The following SUPT3H variants were observed in gnomAD, a reference collection of about 807,000 sequenced individuals.
SUPT3H encodes SPT3 homolog, SAGA and STAGA complex component.
Under a neutral mutation model 44.3 loss-of-function variants are expected in SUPT3H, and 44 were observed. The ratio of observed to expected loss-of-function variants is 0.99; its 90% CI spans 0.78 to 1.28. SUPT3H has a LOEUF of 1.28. SUPT3H is among the 50% of genes most tolerant of loss of function. SUPT3H has a pLI of 0.00. For synonymous variants in SUPT3H, 124 were observed against 125.6 expected (o/e 0.99, Z 0.09); for missense variants, 380 against 387.1 (o/e 0.98, Z 0.15).
chr6:44,919,250 C>T (rs1292658158), intron 10 of SUPT3H, among the ~76,000 whole-genome samples: 1 of 151,912 alleles, frequency 6.6e-6, no homozygotes, highest in Non-Finnish European at 1.5e-5. Context: ...GAAAATAATG[C>T]CTTGGATCTT....
intron 9 of SUPT3H, among the ~76,000 whole-genome samples, chr6:44,943,408 T>G (rs148369484): frequency 6.6e-6 from 1 of 152,014 alleles, no homozygotes; most frequent in African/African-American, 2.4e-5. Context: ...ACTAATACAA[T>G]GTACTTGGAG....
chr6:44,950,824 T>C (rs1335511908), intron 9 of SUPT3H, among the ~76,000 whole-genome samples: 2 of 144,146 alleles, frequency 1.4e-5, no homozygotes, highest in Non-Finnish European at 3.1e-5. Context: ...TCTTGTTTTA[T>C]TTTTTATTAT....
rs112060228 is a variant in SUPT3H, at chr6:44,882,311, T to C, written c.912+50342A>G. On this transcript the variant is annotated intron_variant, in intron 10 of 10. Coordinates refer to ENST00000371459, the MANE Select transcript of SUPT3H (RefSeq NM_003599.4). Reference sequence around the variant, plus strand: ...AGAAATGGATAAATTGCTGGACACATACACCCTCCCAAGACTAAACTAAGA... The same window carrying C: ...AGAAATGGATAAATTGCTGGACACACACACCCTCCCAAGACTAAACTAAGA... Among the ~76,000 whole-genome samples, 1,373 of 152,238 alleles carry C rather than the reference T, an allele frequency of 9.0e-3. 14 individuals carry two copies. Among genetic ancestry groups the C allele is most frequent in the South Asian group, 0.028 (135 of 4,824 alleles).
intron 2 of SUPT3H, among the ~76,000 whole-genome samples, chr6:45,254,920 T>C (rs1399207387): frequency 8.3e-6 from 1 of 120,354 alleles, no homozygotes; most frequent in Non-Finnish European, 1.8e-5. Flanking sequence ...TCTCCATTTG[T>C]CCAGCAGATC....
At chr6:45,230,419 G>T (rs916035914) in intron 2 of SUPT3H, among the ~76,000 whole-genome samples, 4 of 151,526 alleles carry the variant, frequency 2.6e-5, no homozygotes, top group Non-Finnish European at 5.9e-5. Flanking sequence ...CCAGTGTGGG[G>T]GGGGCTTATG....
In SUPT3H at chr6:45,005,280, T is replaced by G. The variant is rs58164361; in HGVS notation, c.365-1488A>C. ...TGTTTGTTAGCTATCTGAATAAGCC[T>G]TTCTGTTAATTGTCTAGTTTTATCC... On this transcript the variant is annotated intron_variant, in intron 5 of 10. Transcript: ENST00000371459. 3.9e-3 allele frequency among the ~76,000 whole-genome samples: 592 copies of G among 152,312 alleles called. 7 individuals carry two copies. Among genetic ancestry groups the G allele is most frequent in the African/African-American group, 0.014 (564 of 41,570 alleles).
intron 6 of SUPT3H, among the ~76,000 whole-genome samples, chr6:44,973,046 T>C (rs1376427400): frequency 6.6e-6 from 1 of 152,114 alleles, no homozygotes; most frequent in Non-Finnish European, 1.5e-5. Flanking sequence ...CAGGCTTGAG[T>C]TTCTTCTCAG....
rs149220975 is a variant in SUPT3H, at chr6:45,086,307, C to T, written c.186+19615G>A. On this transcript the variant is annotated intron_variant, in intron 3 of 10. Transcript: ENST00000371459. The stretch of plus-strand genomic sequence containing the variant: ...ACAGTTTCACCTAGTTGTGTAAAAT[C>T]GGATATTAATCGACACCTTTAAACC... Among the ~76,000 whole-genome samples the T allele has an allele frequency of 2.5e-3, 386 of 152,048 alleles. 2 individuals carry two copies. Among genetic ancestry groups the T allele is most frequent in the African/African-American group, 8.9e-3 (369 of 41,520 alleles).
intron 10 of SUPT3H, among the ~76,000 whole-genome samples, chr6:44,848,172 G>T (rs1379763998): frequency 1.3e-5 from 2 of 151,510 alleles, no homozygotes; most frequent in East Asian, 3.9e-4. Flanking sequence ...GTTTCACCAT[G>T]TTGGCCAGGC....
intron 3 of SUPT3H, among the ~76,000 whole-genome samples, chr6:45,069,972 C>A (rs1405154305): frequency 6.6e-6 from 1 of 152,142 alleles, no homozygotes; most frequent in Non-Finnish European, 1.5e-5. Context: ...GAAAACATCT[C>A]TGCTCACTTC....
chr6:45,319,485 G>A (rs1785155548), intron 2 of SUPT3H, among the ~76,000 whole-genome samples: 1 of 152,098 alleles, frequency 6.6e-6, no homozygotes, highest in Non-Finnish European at 1.5e-5. Context: ...GTTACTTAAA[G>A]CCATCCCATT....
intron 10 of SUPT3H, among the ~76,000 whole-genome samples, chr6:44,909,142 C>CGTGTGTGT (rs34494107): frequency 4.7e-4 from 69 of 147,050 alleles, no homozygotes; most frequent in African/African-American, 1.1e-3. Context: ...TGTGTGTGTG[C>CGTGTGTGT]GTGTGTGTGT....
At chr6:44,982,074 AAAG>A (rs535266384) in intron 6 of SUPT3H, among the ~76,000 whole-genome samples, 1 of 152,184 alleles carries the variant, frequency 6.6e-6, no homozygotes, top group South Asian at 2.1e-4. Flanking sequence ...AAGAAAAGAA[AAAG>A]AAATTTAAAA....
At chr6:45,061,676 T>C (rs1424011298) in intron 3 of SUPT3H, among the ~76,000 whole-genome samples, 5 of 152,216 alleles carry the variant, frequency 3.3e-5, no homozygotes, top group African/African-American at 7.2e-5. Flanking sequence ...ACAATGTAGA[T>C]TGATAATCTT....
chr6:45,204,250 AAAG>A (rs59918814), intron 2 of SUPT3H, among the ~76,000 whole-genome samples: 22,554 of 143,048 alleles, frequency 0.16, 1,945 homozygotes, highest in Non-Finnish European at 0.19. Context: ...CCGTCTCAAA[AAAG>A]AAGAAGAAGA....
intron 10 of SUPT3H, among the ~76,000 whole-genome samples, chr6:44,882,786 A>T (rs1230968448): frequency 5.9e-5 from 9 of 152,218 alleles, no homozygotes; most frequent in Non-Finnish European, 1.0e-4. Flanking sequence ...GACAAAAACC[A>T]AATGATCATC....
chr6:45,260,453 AC>A (rs1376704348), intron 2 of SUPT3H, among the ~76,000 whole-genome samples: 4 of 152,246 alleles, frequency 2.6e-5, no homozygotes, highest in Admixed American at 6.5e-5. Context: ...AAAAAAATTA[AC>A]ACATTTTCTA....
At chr6:45,222,076 G>C (rs72857065) in intron 2 of SUPT3H, among the ~76,000 whole-genome samples, 2,194 of 151,628 alleles carry the variant, frequency 0.014, 25 homozygotes, top group South Asian at 0.026. Flanking sequence ...GACATTCATA[G>C]GCAAAAAAAT....
chr6:45,105,309 G>A (rs1235006587), intron 3 of SUPT3H, among the ~76,000 whole-genome samples: 1 of 151,756 alleles, frequency 6.6e-6, no homozygotes, highest in African/African-American at 2.4e-5. Flanking sequence ...GGATTAGAAG[G>A]CTACATGAGT....
Sources: allele counts gnomAD v4.1 joint callset (sites outside exome capture counted in the v4.1 genomes callset), GRCh38; gene constraint gnomAD v4.1.1; transcripts MANE v1.5; gene names NCBI Gene and HGNC (gene_info 2026-07-23, HGNC 2026-07-21).